USP37: variants seen among roughly 807,000 people sequenced by gnomAD.
USP37 encodes the protein ubiquitin carboxyl-terminal hydrolase 37.
In USP37, 27 loss-of-function variants were observed where a neutral mutation model predicts 124.0. The observed-to-expected ratio is 0.22, with a 90% CI of 0.16 to 0.30. The LOEUF is 0.30. Ranked by LOEUF, USP37 falls within the 10% of genes least tolerant of loss-of-function variation. The pLI is 1.00. For missense variants in USP37, 889 were observed against 1,140.4 expected (o/e 0.78, Z 3.17); for synonymous variants, 365 against 388.0 (o/e 0.94, Z 0.70).
rs573833278 is a variant in USP37, at chr2:218,486,918, G to C, written c.1591-1175C>G. ...TTTTTTTGTATTTCTAGTAGAGACA[G>C]GGTTTCACCGTGTTAGCCAGGATGG... On this transcript the variant is annotated intron_variant, in intron 15 of 25. Coordinates refer to ENST00000258399, the MANE Select transcript of USP37 (RefSeq NM_020935.3). Among the ~76,000 whole-genome samples the C allele has an allele frequency of 1.4e-3, 207 of 152,186 alleles. 1 individual carries two copies. Among genetic ancestry groups the C allele is most frequent in the South Asian group, 5.6e-3 (27 of 4,808 alleles).
intron 20 of USP37, 24 bp from the exon 21 acceptor site, chr2:218,466,200 A>T: frequency 2.5e-6 from 4 of 1,572,418 alleles, no homozygotes; most frequent in Non-Finnish European, 3.4e-6. Flanking sequence ...ACATAACATT[A>T]ATTTGGAAAA....
intron 23 of USP37, among the ~76,000 whole-genome samples, chr2:218,458,270 A>C (rs1002849627): frequency 6.7e-5 from 10 of 149,484 alleles, no homozygotes; most frequent in Non-Finnish European, 1.2e-4. Flanking sequence ...AAAAAAAAAA[A>C]AAAAAACAAC....
At chr2:218,489,841 T>A (rs1691823957) in intron 14 of USP37, among the ~76,000 whole-genome samples, 1 of 152,210 alleles carries the variant, frequency 6.6e-6, no homozygotes, top group African/African-American at 2.4e-5. Flanking sequence ...TTGAACCTTT[T>A]ATAATGGGAT....
intron 20 of USP37, among the ~76,000 whole-genome samples, chr2:218,467,687 T>C (rs1190336251): frequency 6.6e-6 from 1 of 151,934 alleles, no homozygotes; most frequent in Non-Finnish European, 1.5e-5. Context: ...TTTCACCATG[T>C]TGGCCAGACT....
chr2:218,539,366 A>G (rs1438832347), intron 8 of USP37, among the ~76,000 whole-genome samples: 1 of 152,084 alleles, frequency 6.6e-6, no homozygotes, highest in African/African-American at 2.4e-5. Context: ...CTTCTTCACA[A>G]TTTCATGGAT....
At position 218,456,953 on chromosome 2, in the gene USP37, G is replaced by C. The variant is rs902484249; in HGVS notation, c.2713+139C>G. 5 of 820,420 alleles carry C rather than the reference G, an allele frequency of 6.1e-6. No individual in the cohort carries two copies. The African/African-American group carries it at 7.3e-5, about 12-fold the overall frequency. 50.8% of individuals were successfully genotyped at this position (820,420 alleles called of 1,614,324 possible). ...CCACTACACTCCATCCTGGGCAACA[G>C]AGTGAGACTGGATCTCAAAAAAAAA... On this transcript the variant is annotated intron_variant, in intron 24 of 25. Transcript: ENST00000258399.
At chr2:218,460,151 T>C (rs1362858932) in intron 22 of USP37, among the ~76,000 whole-genome samples, 1 of 150,596 alleles carries the variant, frequency 6.6e-6, no homozygotes, top group East Asian at 1.9e-4. Context: ...TCCCAGCTAC[T>C]TGGGAGGCTG....
intron 8 of USP37, among the ~76,000 whole-genome samples, chr2:218,539,808 G>A (rs1261103108): frequency 2.6e-5 from 4 of 151,954 alleles, no homozygotes; most frequent in Admixed American, 6.6e-5. Context: ...TCAGGAGTTC[G>A]AGACCAGCCT....
At position 218,474,706 on chromosome 2, in the gene USP37, T is replaced by C. The variant is rs1362611056; in HGVS notation, c.2223A>G (p.Ala741=). 2 of 1,614,204 alleles carry C rather than the reference T, an allele frequency of 1.2e-6. No individual in the cohort carries two copies. Among genetic ancestry groups the C allele is most frequent in the African/African-American group, 1.3e-5 (1 of 75,058 alleles). ...KPTSSPDTGF[A]EDDIQEMPEN... ...CTGGCATTTCTTGAATATCATCTTC[T>C]GCAAATCCGGTATCTGGGCTGCTAG... Residue 741 remains alanine, a synonymous_variant, in exon 20 of 26, where the codon GCA becomes GCG. Coordinates refer to ENST00000258399, the MANE Select transcript of USP37 (RefSeq NM_020935.3).
At chr2:218,545,386 T>C (rs925301853) in intron 8 of USP37, among the ~76,000 whole-genome samples, 1 of 152,156 alleles carries the variant, frequency 6.6e-6, no homozygotes, top group African/African-American at 2.4e-5. Flanking sequence ...AGTGGCTACC[T>C]TGGTCCACAA....
At position 218,467,891 on chromosome 2, in the gene USP37, G is replaced by T. The variant is rs117240790; in HGVS notation, c.2300-1715C>A. On this transcript the variant is annotated intron_variant, in intron 20 of 25. Coordinates refer to ENST00000258399, the MANE Select transcript of USP37 (RefSeq NM_020935.3). ...AGCAATAACATTTCATGTTTTTTTT[G>T]TTTTTTTTTTTTTTAAGACTGAGTC... is the stretch of plus-strand genomic sequence containing the variant. Among the ~76,000 whole-genome samples the T allele has an allele frequency of 8.9e-3, 1,245 of 139,626 alleles. 16 individuals are homozygous for T. The highest frequency in any genetic ancestry group is 0.027 in the African/African-American group (1,044 of 38,528). 91.6% of individuals were successfully genotyped at this position (139,626 alleles called of 152,430 possible).
At chr2:218,473,815 C>T (rs520781) in intron 20 of USP37, among the ~76,000 whole-genome samples, 150,854 of 152,348 alleles carry the variant, frequency 0.99, 74,705 homozygotes, top group Middle Eastern at 1. Flanking sequence ...ATGATGAAGA[C>T]ACATTCTAAG....
intron 20 of USP37, among the ~76,000 whole-genome samples, chr2:218,466,899 A>C (rs889067673): frequency 6.6e-6 from 1 of 151,470 alleles, no homozygotes; most frequent in Non-Finnish European, 1.5e-5. Flanking sequence ...ACACCTAACT[A>C]ATTTTTGTTT....
chr2:218,460,543 A>G (rs1318038025), intron 22 of USP37, among the ~76,000 whole-genome samples: 2 of 152,200 alleles, frequency 1.3e-5, no homozygotes, highest in Non-Finnish European at 2.9e-5. Flanking sequence ...TATATGATAT[A>G]AGCTATATAT....
Position 218,510,136 on chromosome 2 carries a change from T to C in USP37, c.868A>G (p.Asn290Asp), listed in dbSNP as rs747267119. ...SSGGTNLDRT[N>D]VSSQTPSAKR... Reference sequence around the variant, plus strand: ...GCAGAGGGAGTCTGGCTTGAAACATTAGTCCTACAAAAAAGCATAAATAAT... The same window carrying C: ...GCAGAGGGAGTCTGGCTTGAAACATCAGTCCTACAAAAAAGCATAAATAAT... The change falls in exon 11 of 26, where the codon AAT becomes GAT. Residue 290 changes from asparagine (N) to aspartate (D), a missense_variant. Asn to Asp is a conservative substitution (Grantham distance 23). Coordinates refer to ENST00000258399, the MANE Select transcript of USP37 (RefSeq NM_020935.3). 8.1e-6 allele frequency: 13 copies of C among 1,605,384 alleles called. No homozygotes were observed. Among genetic ancestry groups the C allele is most frequent in the Middle Eastern group, 1.7e-4 (1 of 6,050 alleles).
chr2:218,508,305 T>G (rs1369049115), intron 11 of USP37, among the ~76,000 whole-genome samples: 1 of 151,818 alleles, frequency 6.6e-6, no homozygotes, highest in Non-Finnish European at 1.5e-5. Context: ...GAGTTCTTAG[T>G]CCTGAGTACT....
At chr2:218,484,653 A>AT (rs1223800282) in intron 16 of USP37, among the ~76,000 whole-genome samples, 9 of 79,922 alleles carry the variant, frequency 1.1e-4, no homozygotes, top group African/African-American at 4.5e-4. Context: ...ACAACAAACA[A>AT]CCAAAAAAAA....
At position 218,465,902 on chromosome 2, in the gene USP37, T is replaced by A. The variant is rs928707989; in HGVS notation, c.2466+108A>T. ...CCAATGACTTACTCTATGTAAATCATCTGGAACAATGTCTGACACATAGTA... is the reference window on the plus strand; with the variant it reads ...CCAATGACTTACTCTATGTAAATCAACTGGAACAATGTCTGACACATAGTA... On this transcript the variant is annotated intron_variant, in intron 21 of 25. Transcript: ENST00000258399. The A allele has an allele frequency of 1.7e-5, 23 of 1,369,040 alleles. No individual in the cohort carries two copies. In the African/African-American group the frequency reaches 3.4e-4, roughly 20 times the overall value. The allele number at this position is 1,369,040 out of a possible 1,614,324, so 84.8% of individuals were successfully genotyped here. A position where few individuals can be genotyped will look rare whatever the true frequency, so the allele number is the denominator to read the frequency against.
chr2:218,471,040 A>G (rs1690655355), intron 20 of USP37, among the ~76,000 whole-genome samples: 1 of 152,184 alleles, frequency 6.6e-6, no homozygotes, highest in South Asian at 2.1e-4. Context: ...AACAAATAAG[A>G]AAGTATTACA....
Sources: gnomAD v4.1 joint callset for allele counts (sites outside exome capture counted in the v4.1 genomes callset) on GRCh38, gnomAD v4.1.1 for gene constraint, MANE v1.5 for transcripts, NCBI Gene and HGNC (gene_info 2026-07-23, HGNC 2026-07-21) for gene names.